Variants in ZNG1A observed in about 807,000 individuals in gnomAD.
ZNG1A encodes Zn regulated GTPase metalloprotein activator 1A, also known as zinc-regulated GTPase metalloprotein activator 1A.
At chr9:133,838 G>A in the ZNG1A span, among the ~76,000 whole-genome samples, 14 of 152,050 alleles carry the variant, frequency 9.2e-5, no homozygotes, top group African/African-American at 2.9e-4. Context: ...CGTAAGGAAC[G>A]TATAGACTCA....
the ZNG1A span, among the ~76,000 whole-genome samples, chr9:157,154 A>T: frequency 7.6e-6 from 1 of 130,740 alleles, no homozygotes; most frequent in Non-Finnish European, 1.6e-5. Context: ...CATACTTGCT[A>T]ATCTGGCCTC....
At chr9:157,523 T>A in the ZNG1A span, among the ~76,000 whole-genome samples, 10 of 133,950 alleles carry the variant, frequency 7.5e-5, no homozygotes, top group Middle Eastern at 3.7e-3. Context: ...TTATGAATTA[T>A]ATACATTTTT....
At chr9:154,873 T>A in the ZNG1A span, 1 of 1,357,046 alleles carries the variant, frequency 7.4e-7, no homozygotes, top group Non-Finnish European at 1.0e-6. Context: ...AAAAGAGGAA[T>A]GTTAACAAAT....
At chr9:152,485 C>T in the ZNG1A span, among the ~76,000 whole-genome samples, 1 of 151,892 alleles carries the variant, frequency 6.6e-6, no homozygotes, top group Non-Finnish European at 1.5e-5. Context: ...GTAGAAATGG[C>T]TATATACACA....
At chr9:127,855 TTA>T in the ZNG1A span, among the ~76,000 whole-genome samples, 3 of 152,280 alleles carry the variant, frequency 2.0e-5, no homozygotes, top group Non-Finnish European at 4.4e-5. Context: ...GTTTCAAGAT[TTA>T]GAGTTCCTTT....
At chr9:153,697 G>GA in the ZNG1A span, 1 of 151,130 alleles carries the variant, frequency 6.6e-6, no homozygotes, top group South Asian at 2.1e-4. Context: ...GAAATATGTG[G>GA]AAAAAATATG....
the ZNG1A span, chr9:120,899 C>T: frequency 6.3e-6 from 1 of 159,172 alleles, no homozygotes; most frequent in African/African-American, 2.4e-5. Flanking sequence ...ACTACAACTC[C>T]CCATTCCTTT....
the ZNG1A span, among the ~76,000 whole-genome samples, chr9:127,667 C>G: frequency 6.6e-6 from 1 of 151,766 alleles, no homozygotes; most frequent in Non-Finnish European, 1.5e-5. Flanking sequence ...AGCATTTAGG[C>G]CATTTATATT....
chr9:140,568 A>G, the ZNG1A span, among the ~76,000 whole-genome samples: 360 of 151,326 alleles, frequency 2.4e-3, 1 homozygote, highest in African/African-American at 8.5e-3. Flanking sequence ...TGGGGAAAAA[A>G]CAGAGCAGAA....
At chr9:146,253 A>G in the ZNG1A span, 4 of 1,476,132 alleles carry the variant, frequency 2.7e-6, no homozygotes, top group Non-Finnish European at 3.7e-6. Context: ...AATTTTATAC[A>G]TAAAATTCAT....
the ZNG1A span, among the ~76,000 whole-genome samples, chr9:130,411 G>T: frequency 0.68 from 78,801 of 116,614 alleles, 27,697 homozygotes; most frequent in East Asian, 0.8. Context: ...GACTCCAAAT[G>T]GCTTTATTGT....
chr9:163,132 C>T, the ZNG1A span, among the ~76,000 whole-genome samples: 3 of 151,862 alleles, frequency 2.0e-5, no homozygotes, highest in South Asian at 6.2e-4. Context: ...TCTTAAATTT[C>T]TTAATGATTA....
chr9:145,096 G>A, the ZNG1A span, among the ~76,000 whole-genome samples: 1 of 146,324 alleles, frequency 6.8e-6, no homozygotes, highest in African/African-American at 2.5e-5. Context: ...TACACTGTTG[G>A]TGGGACTGTA....
chr9:157,851 C>G, the ZNG1A span, among the ~76,000 whole-genome samples: 1 of 151,402 alleles, frequency 6.6e-6, no homozygotes, highest in Non-Finnish European at 1.5e-5. Flanking sequence ...AACCTCAGAG[C>G]AAGCAGGTAA....
the ZNG1A span, among the ~76,000 whole-genome samples, chr9:129,501 CCGT>C: frequency 1.3e-5 from 2 of 149,078 alleles, no homozygotes; most frequent in Non-Finnish European, 3.0e-5. Context: ...AAAAAAAATC[CCGT>C]CATATACTAC....
At chr9:155,376 C>A in the ZNG1A span, among the ~76,000 whole-genome samples, 1 of 151,186 alleles carries the variant, frequency 6.6e-6, no homozygotes, top group African/African-American at 2.4e-5. Flanking sequence ...CCCTTAAGCC[C>A]AGGAGTTCAA....
At chr9:157,607 C>T in the ZNG1A span, among the ~76,000 whole-genome samples, 73 of 148,890 alleles carry the variant, frequency 4.9e-4, no homozygotes, top group African/African-American at 1.8e-3. Flanking sequence ...ATCTAACACC[C>T]TCATCATCAC....
At chr9:130,690 T>G in the ZNG1A span, among the ~76,000 whole-genome samples, 1 of 148,282 alleles carries the variant, frequency 6.7e-6, no homozygotes, top group Non-Finnish European at 1.5e-5. Context: ...CACCTTGGCC[T>G]GTCAAAGCGC....
the ZNG1A span, chr9:154,659 G>A: frequency 1.5e-6 from 2 of 1,327,418 alleles, no homozygotes; most frequent in Non-Finnish European, 2.1e-6. Flanking sequence ...AAAATATTCT[G>A]TGTATACAAC....
Sources: allele counts gnomAD v4.1 joint callset (sites outside exome capture counted in the v4.1 genomes callset), GRCh38; gene constraint gnomAD v4.1.1; transcripts MANE v1.5; gene names NCBI Gene and HGNC (gene_info 2026-07-23, HGNC 2026-07-21).